GRID2: variants seen among roughly 807,000 people sequenced by gnomAD.
GRID2 encodes the protein glutamate receptor ionotropic, delta-2.
GRID2 carries 33 observed loss-of-function variants against 114.8 expected under a neutral mutation model. The ratio of observed to expected loss-of-function variants is 0.29; its 90% CI spans 0.22 to 0.38. The LOEUF is 0.38. Among genes scored for constraint, GRID2 ranks in the 10% least tolerant of loss-of-function variants. The probability of loss-of-function intolerance (pLI) is 1.00; values close to 1 mark genes in which losing one functional copy is unlikely to be tolerated. For synonymous variants in GRID2, 505 were observed against 449.9 expected (o/e 1.12, Z -1.55); for missense variants, 1,184 against 1,257.7 (o/e 0.94, Z 0.89).
At chr4:92,395,125 T>C (rs1730429931) in intron 1 of GRID2, among the ~76,000 whole-genome samples, 1 of 151,610 alleles carries the variant, frequency 6.6e-6, no homozygotes, top group South Asian at 2.1e-4. Flanking sequence ...TTGTGTAGAA[T>C]ATAGAGTTTG....
At chr4:93,725,375 G>A (rs1057420215) in intron 14 of GRID2, among the ~76,000 whole-genome samples, 2 of 152,118 alleles carry the variant, frequency 1.3e-5, no homozygotes, top group African/African-American at 2.4e-5. Flanking sequence ...TCTTAATCCA[G>A]TCCATCCTTG....
At chr4:92,985,396 G>A (rs897464469) in intron 2 of GRID2, among the ~76,000 whole-genome samples, 1 of 151,860 alleles carries the variant, frequency 6.6e-6, no homozygotes, top group East Asian at 2.0e-4. Context: ...CACCATGCCG[G>A]GCTAAATTTT....
Position 93,781,547 on chromosome 4 carries a change from C to T in GRID2, c.221+12097C>T, listed in dbSNP as rs150404498. ...GGGGGTTGGTTCCCTCAGTGTCAGT[C>T]GGGGGTTGGTTCCAGGACCCCCCTC... On this transcript the variant is annotated intron_variant, in intron 1 of 1. Transcript: ENST00000637838. Among the ~76,000 whole-genome samples the T allele has an allele frequency of 1.8e-3, 276 of 152,074 alleles. 2 individuals carry two copies. The highest frequency in any genetic ancestry group is 6.3e-3 in the African/African-American group (263 of 41,500).
At chr4:92,438,229 G>A (rs1355483825) in intron 1 of GRID2, among the ~76,000 whole-genome samples, 1 of 151,494 alleles carries the variant, frequency 6.6e-6, no homozygotes, top group Non-Finnish European at 1.5e-5. Flanking sequence ...TTATCTGCTG[G>A]TTTGTGCTTC....
chr4:92,880,326 C>T lies in GRID2; in HGVS notation c.245-204669C>T, dbSNP rs115597624. Among the ~76,000 whole-genome samples, 364 of 152,184 alleles carry T rather than the reference C, an allele frequency of 2.4e-3. 2 individuals carry two copies. Among genetic ancestry groups the T allele is most frequent in the African/African-American group, 8.3e-3 (343 of 41,528 alleles). ...TGTAAAGATGATGCAAAAGTTTTTC[C>T]TCTTTATCTTAGATGTCTTCAAGAG... On this transcript the variant is annotated intron_variant, in intron 2 of 15. Transcript: ENST00000282020.
intron 13 of GRID2, among the ~76,000 whole-genome samples, chr4:93,571,892 G>A (rs1483536469): frequency 6.6e-6 from 1 of 152,106 alleles, no homozygotes; most frequent in African/African-American, 2.4e-5. Context: ...CCCCAGCTCT[G>A]TTAACCTTCT....
At chr4:93,725,561 T>C (rs1028508582) in intron 14 of GRID2, among the ~76,000 whole-genome samples, 5 of 151,752 alleles carry the variant, frequency 3.3e-5, no homozygotes, top group Non-Finnish European at 7.4e-5. Flanking sequence ...ATCGCCACAC[T>C]GACTTCCACA....
intron 1 of GRID2, among the ~76,000 whole-genome samples, chr4:92,480,271 T>C (rs553049290): frequency 6.6e-6 from 1 of 152,302 alleles, no homozygotes; most frequent in South Asian, 2.1e-4. Context: ...GTGAATGTCA[T>C]TTCTTATGAT....
intron 8 of GRID2, among the ~76,000 whole-genome samples, chr4:93,347,753 T>C (rs907145959): frequency 1.7e-4 from 26 of 152,166 alleles, no homozygotes; most frequent in Middle Eastern, 3.2e-3. Flanking sequence ...ACAATATATT[T>C]GTGACTTGTT....
Position 93,450,191 on chromosome 4 carries a change from T to C in GRID2, c.1546-5471T>C, listed in dbSNP as rs187139332. On this transcript the variant is annotated intron_variant, in intron 10 of 15. Coordinates refer to ENST00000282020, the MANE Select transcript of GRID2 (RefSeq NM_001510.4). ...GTATTTTGAGGGACAGAAAATCATA[T>C]CTTTGGAAAAAGTTTGAAAGCTTGT... Among the ~76,000 whole-genome samples, 418 of 151,944 alleles carry C rather than the reference T, an allele frequency of 2.8e-3. 2 individuals carry two copies. Among genetic ancestry groups the C allele is most frequent in the East Asian group, 0.018 (93 of 5,148 alleles).
chr4:93,422,756 C>G lies in GRID2; in HGVS notation c.1348-15C>G, dbSNP rs1185620462. On this transcript the variant is annotated splice_polypyrimidine_tract_variant and intron_variant, in intron 9 of 15. Coordinates refer to ENST00000282020, the MANE Select transcript of GRID2 (RefSeq NM_001510.4). ...CTATAGATTGACATCAGAAATTTCTCTTATTTCCATGTAGGAAGAACCTTT... is the reference window on the plus strand; with the variant it reads ...CTATAGATTGACATCAGAAATTTCTGTTATTTCCATGTAGGAAGAACCTTT... The G allele has an allele frequency of 1.9e-6, 3 of 1,572,714 alleles. No individual in the cohort carries two copies. In the Admixed American group the frequency reaches 5.0e-5, roughly 26 times the overall value.
chr4:93,654,742 AT>A (rs956046937), intron 14 of GRID2, among the ~76,000 whole-genome samples: 4 of 152,164 alleles, frequency 2.6e-5, no homozygotes, highest in Non-Finnish European at 1.5e-5. Flanking sequence ...AAGGATTGGA[AT>A]TTTTTGAAAA....
intron 14 of GRID2, among the ~76,000 whole-genome samples, chr4:93,666,682 C>G (rs986634729): frequency 6.6e-6 from 1 of 151,958 alleles, no homozygotes; most frequent in South Asian, 2.1e-4. Context: ...TATTGTTGAC[C>G]TAAGCTTTCA....
At chr4:93,570,659 C>T (rs1364922595) in intron 13 of GRID2, among the ~76,000 whole-genome samples, 1 of 152,108 alleles carries the variant, frequency 6.6e-6, no homozygotes, top group Non-Finnish European at 1.5e-5. Flanking sequence ...ACTCTATGAA[C>T]TCCATGAATA....
At chr4:92,797,510 C>T (rs1410244975) in intron 2 of GRID2, among the ~76,000 whole-genome samples, 1 of 151,822 alleles carries the variant, frequency 6.6e-6, no homozygotes, top group Non-Finnish European at 1.5e-5. Flanking sequence ...TAAATGTATG[C>T]ACATGTTTTG....
rs538131060 is a variant in GRID2, at chr4:92,712,834, A to G, written c.244+122548A>G. Reference sequence around the variant, plus strand: ...TTTAGCTTCACATGAATTACCATCAATAATTCCCTTGAATATTAAAAATAA... The same window carrying G: ...TTTAGCTTCACATGAATTACCATCAGTAATTCCCTTGAATATTAAAAATAA... On this transcript the variant is annotated intron_variant, in intron 2 of 15. Coordinates refer to ENST00000282020, the MANE Select transcript of GRID2 (RefSeq NM_001510.4). Among the ~76,000 whole-genome samples, 8 of 152,266 alleles carry G rather than the reference A, an allele frequency of 5.3e-5. No homozygotes were observed. In the South Asian group the frequency reaches 1.4e-3, roughly 28 times the overall value.
chr4:92,400,910 C>T (rs1730756832), intron 1 of GRID2, among the ~76,000 whole-genome samples: 1 of 152,096 alleles, frequency 6.6e-6, no homozygotes. Context: ...GGAAAAATAT[C>T]TACTGAAATT....
chr4:93,050,555 G>GTGT (rs1726610956), intron 2 of GRID2, among the ~76,000 whole-genome samples: 1 of 144,646 alleles, frequency 6.9e-6, no homozygotes, highest in Non-Finnish European at 1.5e-5. Flanking sequence ...TGTGTGTGTG[G>GTGT]TGTATGTGTG....
intron 2 of GRID2, among the ~76,000 whole-genome samples, chr4:92,702,037 G>T (rs898912202): frequency 7.2e-5 from 11 of 152,082 alleles, no homozygotes; most frequent in Non-Finnish European, 1.3e-4. Context: ...GTTGGATCAG[G>T]ACATCCTAAT....
Sources: allele counts gnomAD v4.1 joint callset (sites outside exome capture counted in the v4.1 genomes callset), GRCh38; gene constraint gnomAD v4.1.1; transcripts MANE v1.5; gene names NCBI Gene and HGNC (gene_info 2026-07-23, HGNC 2026-07-21).